The following FHIT variants were observed in gnomAD, a reference collection of about 807,000 sequenced individuals.
FHIT encodes bis(5'-adenosyl)-triphosphatase.
Under a neutral mutation model 17.9 loss-of-function variants are expected in FHIT, and 19 were observed. The observed-to-expected ratio is 1.06, with a 90% CI of 0.74 to 1.56. FHIT has a LOEUF of 1.56. Among genes scored for constraint, FHIT ranks in the 40% most tolerant of loss-of-function variants. FHIT has a pLI of 0.00. For synonymous variants in FHIT, 81 were observed against 69.7 expected (o/e 1.16, Z -0.81); for missense variants, 248 against 189.2 (o/e 1.31, Z -1.82).
intron 2 of FHIT, among the ~76,000 whole-genome samples, chr3:61,188,080 C>A (rs577462891): frequency 6.6e-5 from 10 of 151,946 alleles, no homozygotes; most frequent in African/African-American, 2.4e-4. Context: ...ATAACTAAGA[C>A]CAGAGCAGAA....
intron 7 of FHIT, among the ~76,000 whole-genome samples, chr3:59,968,799 G>T (rs547869783): frequency 5.3e-5 from 8 of 152,330 alleles, no homozygotes; most frequent in African/African-American, 1.4e-4. Context: ...AAAAGCGCTT[G>T]CTGTCAAATG....
intron 3 of FHIT, among the ~76,000 whole-genome samples, chr3:60,870,791 C>G (rs1189594559): frequency 2.0e-5 from 3 of 152,140 alleles, no homozygotes; most frequent in East Asian, 1.9e-4. Context: ...TCTAGGTTAC[C>G]GCGTCTCACA....
intron 1 of FHIT, among the ~76,000 whole-genome samples, chr3:61,212,119 T>C (rs919066908): frequency 2.0e-5 from 3 of 152,158 alleles, no homozygotes; most frequent in Admixed American, 6.5e-5. Flanking sequence ...AGGAACGCAG[T>C]TCCTCACCAG....
chr3:61,072,816 A>T (rs56666787), intron 2 of FHIT, among the ~76,000 whole-genome samples: 17,195 of 152,118 alleles, frequency 0.11, 1,052 homozygotes, highest in Middle Eastern at 0.26. Flanking sequence ...AATAAAAAAT[A>T]AAAAAAAGTC....
At chr3:60,851,534 T>A (rs1381558634) in intron 3 of FHIT, among the ~76,000 whole-genome samples, 4 of 152,170 alleles carry the variant, frequency 2.6e-5, no homozygotes, top group African/African-American at 9.7e-5. Flanking sequence ...CTATATTATT[T>A]ACATCAGTAC....
intron 8 of FHIT, among the ~76,000 whole-genome samples, chr3:59,804,317 C>G (rs1430850481): frequency 6.6e-6 from 1 of 152,162 alleles, no homozygotes; most frequent in South Asian, 2.1e-4. Context: ...CTACACTGCC[C>G]CATTTCAAGG....
intron 4 of FHIT, among the ~76,000 whole-genome samples, chr3:60,608,818 A>T (rs905422204): frequency 3.9e-5 from 6 of 152,228 alleles, no homozygotes; most frequent in African/African-American, 1.4e-4. Context: ...AGTCATTATC[A>T]GGAAATAACT....
intron 7 of FHIT, among the ~76,000 whole-genome samples, chr3:59,988,020 C>G (rs553684739): frequency 1.1e-4 from 17 of 152,150 alleles, no homozygotes; most frequent in Admixed American, 9.2e-4. Flanking sequence ...GTAAAAGTCC[C>G]TCTCTTTTGT....
At chr3:60,801,447 C>T (rs782046866) in intron 4 of FHIT, among the ~76,000 whole-genome samples, 3 of 152,174 alleles carry the variant, frequency 2.0e-5, no homozygotes, top group Non-Finnish European at 4.4e-5. Context: ...ACTACTTGCC[C>T]TAGATCTTTG....
intron 5 of FHIT, among the ~76,000 whole-genome samples, chr3:60,058,590 T>C (rs1232203318): frequency 4.6e-5 from 7 of 152,166 alleles, no homozygotes; most frequent in Admixed American, 4.6e-4. Context: ...ACAAAAATGT[T>C]CCCTGCTTTT....
intron 8 of FHIT, among the ~76,000 whole-genome samples, chr3:59,822,081 A>G (rs531255225): frequency 2.0e-5 from 3 of 152,342 alleles, no homozygotes; most frequent in Admixed American, 6.5e-5. Context: ...TACTTCACTT[A>G]GAATAATAGT....
intron 5 of FHIT, among the ~76,000 whole-genome samples, chr3:60,401,167 T>A (rs1701643060): frequency 6.6e-6 from 1 of 152,162 alleles, no homozygotes; most frequent in Non-Finnish European, 1.5e-5. Context: ...TTGCTTTGCT[T>A]GTAGTGATTG....
At chr3:60,407,010 G>C (rs568648165) in intron 5 of FHIT, among the ~76,000 whole-genome samples, 1 of 146,096 alleles carries the variant, frequency 6.8e-6, no homozygotes, top group South Asian at 2.2e-4. Flanking sequence ...CAATTCTCAA[G>C]TCTCATTCTC....
Position 60,342,393 on chromosome 3 carries a change from A to ATGAAT in FHIT, c.103+194462_103+194466dup, listed in dbSNP as rs543153197. Among the ~76,000 whole-genome samples the ATGAAT allele has an allele frequency of 9.2e-4, 140 of 152,320 alleles. No homozygotes were observed. In the East Asian group the frequency reaches 0.012, roughly 13 times the overall value. On this transcript the variant is annotated intron_variant, in intron 5 of 9. Coordinates refer to ENST00000492590, the MANE Select transcript of FHIT (RefSeq NM_002012.4). The stretch of plus-strand genomic sequence containing the variant: ...GGTCTGAGATTCTCATCCTAGGTTT[A>ATGAAT]TGAATGTTTTGTGTTTGGACACCAA...
intron 3 of FHIT, among the ~76,000 whole-genome samples, chr3:60,971,522 CT>C (rs34982675): frequency 3.2e-4 from 48 of 148,012 alleles, no homozygotes; most frequent in East Asian, 1.4e-3. Flanking sequence ...CTCCCTCAAT[CT>C]TTTTTTTTTT....
intron 5 of FHIT, among the ~76,000 whole-genome samples, chr3:60,394,862 T>C (rs543982509): frequency 1.4e-3 from 209 of 152,294 alleles, no homozygotes; most frequent in African/African-American, 4.8e-3. Flanking sequence ...AGAGTTCATC[T>C]GCAGCCGTGG....
chr3:60,253,214 T>A (rs1705817147), intron 5 of FHIT, among the ~76,000 whole-genome samples: 1 of 152,104 alleles, frequency 6.6e-6, no homozygotes, highest in Non-Finnish European at 1.5e-5. Flanking sequence ...ATTAATACAT[T>A]TTTACTTACA....
intron 4 of FHIT, among the ~76,000 whole-genome samples, chr3:60,784,401 A>G (rs1193522985): frequency 6.6e-6 from 1 of 151,186 alleles, no homozygotes; most frequent in Admixed American, 6.6e-5. Context: ...CAGTGGCACA[A>G]TCTCAGCTGA....
intron 3 of FHIT, among the ~76,000 whole-genome samples, chr3:60,843,509 C>T (rs1702810605): frequency 6.6e-6 from 1 of 152,242 alleles, no homozygotes; most frequent in Non-Finnish European, 1.5e-5. Context: ...ACTTTGCCCT[C>T]TAAAGCAACC....
Sources: gnomAD v4.1 joint callset for allele counts (sites outside exome capture counted in the v4.1 genomes callset) on GRCh38, gnomAD v4.1.1 for gene constraint, MANE v1.5 for transcripts, NCBI Gene and HGNC (gene_info 2026-07-23, HGNC 2026-07-21) for gene names.